The following PDGFC variants were observed in gnomAD, a reference collection of about 807,000 sequenced individuals.
PDGFC encodes the protein platelet derived growth factor C.
Under a neutral mutation model 35.5 loss-of-function variants are expected in PDGFC, and 12 were observed. That is an observed-to-expected ratio of 0.34 (90% confidence interval 0.22 to 0.55). PDGFC has a LOEUF of 0.55. Ranked by LOEUF, PDGFC falls within the 20% of genes least tolerant of loss-of-function variation. The pLI is 0.91. For synonymous variants in PDGFC, 159 were observed against 148.8 expected, an observed-to-expected ratio of 1.07 and a Z score of -0.50; for missense variants, 322 against 412.4, an observed-to-expected ratio of 0.78 and a Z score of 1.90.
intron 1 of PDGFC, among the ~76,000 whole-genome samples, chr4:156,962,987 C>G (rs965650781): frequency 7.4e-4 from 113 of 152,256 alleles, no homozygotes; most frequent in African/African-American, 2.6e-3. Flanking sequence ...GGTTTATCAG[C>G]ACATAGTGTA....
At position 156,970,899 on chromosome 4, in the gene PDGFC, C is replaced by A. The variant is rs371638899; in HGVS notation, c.5G>T (p.Ser2Ile). Residue 2 changes from serine (S) to isoleucine (I), a missense_variant, in exon 1 of 6, where the codon AGC becomes ATC. Ser to Ile is a moderately radical substitution (Grantham distance 142). Around this residue, in one of 2 missense-constraint regions of PDGFC, gnomAD observed 120 missense variants for 116.6 expected, o/e 1.03. Coordinates refer to ENST00000502773, the MANE Select transcript of PDGFC (RefSeq NM_016205.3). ...TGTCAGCAGGAGAAGCCCGAAGAGG[C>A]TCATTTGGCTGACTGGGGTGAGAGC... MSLFGLLLLTSA... is the reference protein window; with the variant it reads MILFGLLLLTSA... The A allele has an allele frequency of 8.7e-6, 14 of 1,610,060 alleles. No homozygotes were observed. Among genetic ancestry groups the A allele is most frequent in the Non-Finnish European group, 1.2e-5 (14 of 1,176,606 alleles).
At chr4:156,894,625 GCAGA>G (rs921573156) in intron 1 of PDGFC, among the ~76,000 whole-genome samples, 2 of 152,108 alleles carry the variant, frequency 1.3e-5, no homozygotes, top group Non-Finnish European at 2.9e-5. Flanking sequence ...TAGTTCAGAG[GCAGA>G]CAGCACAACA....
At chr4:156,819,542 T>G (rs929766902) in intron 2 of PDGFC, among the ~76,000 whole-genome samples, 1 of 152,198 alleles carries the variant, frequency 6.6e-6, no homozygotes, top group Non-Finnish European at 1.5e-5. Flanking sequence ...ACAGCATGGT[T>G]TACTAAATAT....
At chr4:156,910,791 GC>G (rs1731020725) in intron 1 of PDGFC, among the ~76,000 whole-genome samples, 1 of 152,042 alleles carries the variant, frequency 6.6e-6, no homozygotes, top group South Asian at 2.1e-4. Context: ...TTACCTAACG[GC>G]AGATGCTCAC....
At chr4:156,959,567 A>G (rs962905349) in intron 1 of PDGFC, among the ~76,000 whole-genome samples, 1 of 152,102 alleles carries the variant, frequency 6.6e-6, no homozygotes, top group African/African-American at 2.4e-5. Context: ...GGAAATTTTC[A>G]GAACAATGTT....
intron 1 of PDGFC, among the ~76,000 whole-genome samples, chr4:156,885,440 TA>T (rs1730353606): frequency 6.6e-6 from 1 of 152,180 alleles, no homozygotes. Context: ...AAAGGAGGCT[TA>T]GAATATTTGT....
chr4:156,876,303 A>C (rs954417386), intron 1 of PDGFC: 51 of 152,318 alleles, frequency 3.3e-4, no homozygotes, highest in African/African-American at 1.2e-3. Flanking sequence ...TTAGTTATGT[A>C]AAAACAACTA....
chr4:156,814,296 G>A (rs1189067426), intron 2 of PDGFC, among the ~76,000 whole-genome samples: 2 of 152,116 alleles, frequency 1.3e-5, no homozygotes, highest in Admixed American at 6.6e-5. Flanking sequence ...AACATTTCAA[G>A]TGTGGGTCAA....
chr4:156,908,059 G>A (rs949291121), intron 1 of PDGFC, among the ~76,000 whole-genome samples: 2 of 152,114 alleles, frequency 1.3e-5, no homozygotes, highest in Non-Finnish European at 2.9e-5. Context: ...ACAGTTACTT[G>A]GGAGGCTGAG....
At chr4:156,949,090 TTTC>T (rs1277447606) in intron 1 of PDGFC, among the ~76,000 whole-genome samples, 1 of 151,960 alleles carries the variant, frequency 6.6e-6, no homozygotes, top group Non-Finnish European at 1.5e-5. Context: ...TCCTTGGTGA[TTTC>T]TTCAAGAAAA....
chr4:156,819,730 G>C (rs1356621035), intron 2 of PDGFC, among the ~76,000 whole-genome samples: 1 of 152,148 alleles, frequency 6.6e-6, no homozygotes, highest in African/African-American at 2.4e-5. Flanking sequence ...CATGGGCCAA[G>C]GAGTAATTCT....
At chr4:156,965,841 T>C (rs1241108114) in intron 1 of PDGFC, among the ~76,000 whole-genome samples, 1 of 152,066 alleles carries the variant, frequency 6.6e-6, no homozygotes, top group Non-Finnish European at 1.5e-5. Flanking sequence ...AACCCCAATA[T>C]GAACTAAAAT....
intron 2 of PDGFC, among the ~76,000 whole-genome samples, chr4:156,839,420 C>T (rs190922234): frequency 1.3e-5 from 2 of 152,288 alleles, no homozygotes; most frequent in East Asian, 1.9e-4. Context: ...TTTGCTTCCC[C>T]TTCCACCATG....
At chr4:156,838,811 G>A (rs550987182) in intron 2 of PDGFC, among the ~76,000 whole-genome samples, 9 of 152,270 alleles carry the variant, frequency 5.9e-5, no homozygotes, top group Admixed American at 2.0e-4. Context: ...GAGGGAACAG[G>A]TGGAAGGTAA....
At chr4:156,960,382 G>T (rs746589907) in intron 1 of PDGFC, among the ~76,000 whole-genome samples, 12 of 150,194 alleles carry the variant, frequency 8.0e-5, no homozygotes, top group Non-Finnish European at 1.6e-4. Context: ...AAAATGTATT[G>T]CCTCTACAAT....
At chr4:156,912,437 C>T (rs1178385490) in intron 1 of PDGFC, among the ~76,000 whole-genome samples, 6 of 152,136 alleles carry the variant, frequency 3.9e-5, no homozygotes, top group African/African-American at 1.2e-4. Flanking sequence ...TCAGGGTTCT[C>T]GAGGCACATG....
chr4:156,902,411 A>G (rs1730811013), intron 1 of PDGFC, among the ~76,000 whole-genome samples: 1 of 151,846 alleles, frequency 6.6e-6, no homozygotes, highest in East Asian at 1.9e-4. Flanking sequence ...ATCCCTCCTT[A>G]CCTCCTCAGA....
chr4:156,895,814 G>C (rs1730621334), intron 1 of PDGFC, among the ~76,000 whole-genome samples: 1 of 152,070 alleles, frequency 6.6e-6, no homozygotes, highest in African/African-American at 2.4e-5. Context: ...AAAAGAGAGA[G>C]TAAGTGAACA....
chr4:156,815,366 A>ACC (rs1491232581), intron 2 of PDGFC, among the ~76,000 whole-genome samples: 2 of 132,744 alleles, frequency 1.5e-5, no homozygotes, highest in African/African-American at 2.8e-5. Context: ...ACACACACAC[A>ACC]CCCCGTTGTC....
Sources: allele counts gnomAD v4.1 joint callset (sites outside exome capture counted in the v4.1 genomes callset), GRCh38; gene constraint gnomAD v4.1.1; regional missense constraint gnomAD v4.1.1; transcripts MANE v1.5; gene names NCBI Gene and HGNC (gene_info 2026-07-23, HGNC 2026-07-21).